The following TSPEAR variants were observed in gnomAD, a reference collection of about 807,000 sequenced individuals.
TSPEAR encodes thrombospondin type laminin G domain and EAR repeats.
A neutral mutation model predicts 71.6 loss-of-function variants in TSPEAR; 69 were observed. That is an observed-to-expected ratio of 0.96 (90% confidence interval 0.79 to 1.18). The LOEUF is 1.18. Among genes scored for constraint, TSPEAR ranks in the 50% most tolerant of loss-of-function variants. The pLI is 0.00. For missense variants in TSPEAR, 971 were observed against 894.9 expected (o/e 1.09, Z -1.09); for synonymous variants, 402 against 387.2 (o/e 1.04, Z -0.45).
At chr21:44,549,249 C>T (rs893557681) in intron 2 of TSPEAR, among the ~76,000 whole-genome samples, 3 of 151,554 alleles carry the variant, frequency 2.0e-5, no homozygotes, top group Non-Finnish European at 2.9e-5. Flanking sequence ...CATGCCTGGG[C>T]GTGTAGGAAA....
chr21:44,531,026 A>G lies in TSPEAR; in HGVS notation c.633+17T>C. On this transcript the variant is annotated intron_variant, in intron 4 of 11. Transcript: ENST00000323084. The stretch of plus-strand genomic sequence containing the variant: ...CCCGCAGCACGGGTGTTGGGAAGGC[A>G]GCCCCTCCATACTCGCCATGAACAG... 6.2e-7 allele frequency: 1 copy of G among 1,606,640 alleles called. No homozygotes were observed. The highest frequency in any genetic ancestry group is 8.5e-7 in the Non-Finnish European group (1 of 1,174,044).
intron 1 of TSPEAR, among the ~76,000 whole-genome samples, chr21:44,636,080 T>A (rs1983546103): frequency 6.6e-6 from 1 of 152,222 alleles, no homozygotes; most frequent in South Asian, 2.1e-4. Flanking sequence ...ATTTTTCACA[T>A]TAATCTTCCA....
At chr21:44,625,785 C>T (rs587604852) in intron 1 of TSPEAR, among the ~76,000 whole-genome samples, 3 of 146,440 alleles carry the variant, frequency 2.0e-5, no homozygotes, top group East Asian at 2.0e-4. Context: ...TCCGGCTGCT[C>T]CAGTGATCCT....
chr21:44,600,569 C>T (rs2981629), intron 1 of TSPEAR: 1 of 1,572,282 alleles, frequency 6.4e-7, no homozygotes, highest in Non-Finnish European at 8.6e-7. Flanking sequence ...GACTCACTCA[C>T]TCATTCACTC....
intron 9 of TSPEAR, among the ~76,000 whole-genome samples, chr21:44,521,403 A>G (rs233229): frequency 1.1e-4 from 16 of 152,134 alleles, no homozygotes; most frequent in South Asian, 2.1e-4. Flanking sequence ...CAGCCAAGGG[A>G]CACTTGAGGC....
chr21:44,600,897 G>A (rs1555928487), intron 1 of TSPEAR: 1 of 1,612,138 alleles, frequency 6.2e-7, no homozygotes, highest in Non-Finnish European at 8.5e-7. Flanking sequence ...GCTGCCAGCA[G>A]TCTAGCTGCC....
Position 44,627,631 on chromosome 21 carries a change from A to G in TSPEAR, c.83-59626T>C, listed in dbSNP as rs1555934757. On this transcript the variant is annotated intron_variant, in intron 1 of 11. Coordinates refer to ENST00000323084, the MANE Select transcript of TSPEAR (RefSeq NM_144991.3). ...CTGCAAACCTGTGTGCTGTGCGCCC[A>G]CCTGCTCTGAGGATTCCTATTCATG... is the stretch of plus-strand genomic sequence containing the variant. 5 of 1,601,174 alleles carry G rather than the reference A, an allele frequency of 3.1e-6. No homozygotes were observed. The Admixed American group carries it at 8.5e-5, about 27-fold the overall frequency.
At chr21:44,585,010 C>G (rs903039501) in intron 1 of TSPEAR, among the ~76,000 whole-genome samples, 1 of 152,120 alleles carries the variant, frequency 6.6e-6, no homozygotes, top group African/African-American at 2.4e-5. Context: ...TCTTTAATGT[C>G]TGCTTATTTT....
At chr21:44,616,768 G>C (rs191287206) in intron 1 of TSPEAR, among the ~76,000 whole-genome samples, 1 of 152,224 alleles carries the variant, frequency 6.6e-6, no homozygotes, top group African/African-American at 2.4e-5. Context: ...CAGAGTCTGC[G>C]GTGTGACCAC....
At chr21:44,530,667 G>A (rs8133141) in intron 4 of TSPEAR, among the ~76,000 whole-genome samples, 36,878 of 152,256 alleles carry the variant, frequency 0.24, 4,770 homozygotes, top group African/African-American at 0.28. Context: ...CTAGCCTCAT[G>A]GAGTGAGGTC....
chr21:44,531,010 C>T (rs777838829), intron 4 of TSPEAR, 33 bp downstream of exon 4: 48 of 1,561,646 alleles, frequency 3.1e-5, no homozygotes, highest in African/African-American at 6.8e-5. Context: ...TCCCGCAGCA[C>T]GGGTGTTGGG....
chr21:44,675,644 G>A lies in TSPEAR; in HGVS notation c.82+35789C>T, dbSNP rs587687679. 3.9e-5 allele frequency among the ~76,000 whole-genome samples: 6 copies of A among 152,064 alleles called. No individual in the cohort carries two copies. In the East Asian group the frequency reaches 5.8e-4, roughly 15 times the overall value. On this transcript the variant is annotated intron_variant, in intron 1 of 11. Coordinates refer to ENST00000323084, the MANE Select transcript of TSPEAR (RefSeq NM_144991.3). ...CTCACAAGTCTGATCAGTAAAATCC[G>A]AAAAACAGAAAATGTTACACGAGTT...
chr21:44,541,351 G>A (rs2053220455), intron 2 of TSPEAR, among the ~76,000 whole-genome samples: 1 of 152,212 alleles, frequency 6.6e-6, no homozygotes, highest in African/African-American at 2.4e-5. Flanking sequence ...TGTATAAAAT[G>A]CTCTGTCAAG....
At chr21:44,654,101 G>A (rs1984973018) in intron 1 of TSPEAR, 1 of 617,246 alleles carries the variant, frequency 1.6e-6, no homozygotes, top group Admixed American at 2.9e-5. Context: ...AAACTGTGTA[G>A]AAAGGCGCAT....
chr21:44,585,773 C>T (rs781791236), intron 1 of TSPEAR, among the ~76,000 whole-genome samples: 12 of 152,238 alleles, frequency 7.9e-5, no homozygotes, highest in Non-Finnish European at 1.2e-4. Flanking sequence ...CATGGAGTAA[C>T]GGCCTCTTTG....
chr21:44,637,328 G>A (rs1373544268), intron 1 of TSPEAR: 62 of 1,445,740 alleles, frequency 4.3e-5, no homozygotes, highest in Non-Finnish European at 5.4e-5. Flanking sequence ...GCATATAAAA[G>A]CCCCAGCAGC....
intron 9 of TSPEAR, chr21:44,516,123 G>C (rs1452259236): frequency 6.6e-6 from 1 of 152,244 alleles, no homozygotes; most frequent in Non-Finnish European, 1.5e-5. Context: ...TCGCCAACCA[G>C]CTGAGGATGC....
chr21:44,509,385 G>A lies in TSPEAR; in HGVS notation c.1568C>T (p.Thr523Met), dbSNP rs140225192. ...GACCTCCCAGTCTGCAGCACCGAACGTCTAGGACCAAAGGAGAGCAGGTGC... is the reference window on the plus strand; with the variant it reads ...GACCTCCCAGTCTGCAGCACCGAACATCTAGGACCAAAGGAGAGCAGGTGC... ...GSFQLFQSFP[T>M]FGAADWEVFQ... The change falls in exon 10 of 12, where the codon ACG becomes ATG. Residue 523 changes from threonine (T) to methionine (M), a missense_variant and splice_region_variant. Physicochemically the swap from Thr to Met is moderately conservative, Grantham distance 81. Coordinates refer to ENST00000323084, the MANE Select transcript of TSPEAR (RefSeq NM_144991.3). The A allele has an allele frequency of 8.7e-6, 14 of 1,610,948 alleles. No homozygotes were observed. Among genetic ancestry groups the A allele is most frequent in the African/African-American group, 5.4e-5 (4 of 74,756 alleles).
chr21:44,567,844 G>A lies in TSPEAR; in HGVS notation c.244C>T (p.Leu82Phe). ...ACGATGGAAAATTCTTCAGGGAAGA[G>A]GTCACACTGGGAGAAAATCCTGGAT... ...PASRIFSQCD[L>F]FPEEFSIVVT... is the part of the protein sequence containing the mutation. Residue 82 changes from leucine to phenylalanine, a missense_variant, in exon 2 of 12, where the codon CTC becomes TTC. Leu to Phe is a conservative substitution (Grantham distance 22). Coordinates refer to ENST00000323084, the MANE Select transcript of TSPEAR (RefSeq NM_144991.3). 6.2e-7 allele frequency: 1 copy of A among 1,609,194 alleles called. No homozygotes were observed. Among genetic ancestry groups the A allele is most frequent in the East Asian group, 2.2e-5 (1 of 44,762 alleles).
Sources: allele counts gnomAD v4.1 joint callset (sites outside exome capture counted in the v4.1 genomes callset), GRCh38; gene constraint gnomAD v4.1.1; transcripts MANE v1.5; gene names NCBI Gene and HGNC (gene_info 2026-07-23, HGNC 2026-07-21).